Variants in GAA observed in about 807,000 individuals in gnomAD.
GAA encodes the protein lysosomal alpha-glucosidase.
GAA carries 88 observed loss-of-function variants against 103.9 expected under a neutral mutation model. The ratio of observed to expected loss-of-function variants is 0.85; its 90% CI spans 0.71 to 1.01. The LOEUF (loss-of-function observed/expected upper bound fraction) is 1.01. Ranked by LOEUF, GAA falls within the 50% of genes least tolerant of loss-of-function variation. The pLI is 0.00. For missense variants in GAA, 1,350 were observed against 1,305.3 expected (o/e 1.03, Z -0.53); for synonymous variants, 572 against 563.1 (o/e 1.02, Z -0.22).
In GAA at chr17:80,107,630, T is replaced by C; in HGVS notation, c.766T>C (p.Tyr256His). ...GCTGTCCACCTCGCTGCCCTCGCAG[T>C]ATATCACAGGCCTCGCCGAGCACCT... ...LQLSTSLPSQ[Y>H]ITGLAEHLSP... Residue 256 changes from tyrosine (Y) to histidine (H), a missense_variant, in exon 4 of 20, where the codon TAT (tyrosine) becomes CAT (histidine). Tyr to His is a moderately conservative substitution (Grantham distance 83). Coordinates refer to ENST00000302262, the MANE Select transcript of GAA (RefSeq NM_000152.5). The C allele has an allele frequency of 6.2e-7, 1 of 1,613,110 alleles. No individual in the cohort carries two copies. Among genetic ancestry groups the C allele is most frequent in the Non-Finnish European group, 8.5e-7 (1 of 1,179,854 alleles).
At chr17:80,118,045 G>T in intron 17 of GAA, 148 bp from the exon 18 acceptor site, 1 of 941,588 alleles carries the variant, frequency 1.1e-6, no homozygotes. Flanking sequence ...TCATCACCAC[G>T]GGGTTCCAGC....
rs780800306 is a variant in GAA at position 80,111,991 on chromosome 17, G to T, written c.1645G>T (p.Gly549Trp). Residue 549 changes from glycine to tryptophan, a missense_variant, in exon 12 of 20, where the codon GGG becomes TGG. Gly to Trp is a radical substitution (Grantham distance 184). Transcript: ENST00000302262. The stretch of plus-strand genomic sequence containing the variant: ...GCCCCCGCCTCTTCCAGGGGTGGTT[G>T]GGGGGACCCTCCAGGCGGCCACCAT... ...ENPPYVPGVV[G>W]GTLQAATICA... The T allele has an allele frequency of 6.2e-7, 1 of 1,612,780 alleles. No homozygotes were observed. The highest frequency in any genetic ancestry group is 1.1e-5 in the South Asian group (1 of 91,072).
Position 80,119,571 on chromosome 17 carries a change from G to A in GAA, c.*240G>A. 1 of 536,186 alleles carries A rather than the reference G, an allele frequency of 1.9e-6. No individual in the cohort carries two copies. Among genetic ancestry groups the A allele is most frequent in the Admixed American group, 3.0e-5 (1 of 33,432 alleles). The allele number at this position is 536,186 out of a possible 1,614,324, so 33.2% of individuals were successfully genotyped here. A position where few individuals can be genotyped will look rare whatever the true frequency, so the allele number is the denominator to read the frequency against. On this transcript the variant is annotated 3_prime_UTR_variant, in exon 20 of 20. Transcript: ENST00000302262. ...CTGTGGGCCGGGGCCCTGGAGGGCTGCTCTGTGTTAATAAGATTGTAAGGT... is the reference window on the plus strand; with the variant it reads ...CTGTGGGCCGGGGCCCTGGAGGGCTACTCTGTGTTAATAAGATTGTAAGGT...
At chr17:80,116,495 C>T (rs1312838674) in intron 15 of GAA, among the ~76,000 whole-genome samples, 2 of 152,244 alleles carry the variant, frequency 1.3e-5, no homozygotes, top group Non-Finnish European at 2.9e-5. Flanking sequence ...CTCCGTTAGA[C>T]GGAGAATCCT....
chr17:80,112,337 G>A (rs953931391), intron 12 of GAA: 2 of 640,476 alleles, frequency 3.1e-6, no homozygotes, highest in Non-Finnish European at 2.7e-6. Flanking sequence ...ACAGGAGTCT[G>A]CATCAGCGGG....
At chr17:80,117,894 G>T in intron 17 of GAA, 145 bp downstream of exon 17, 1 of 891,290 alleles carries the variant, frequency 1.1e-6, no homozygotes, top group Non-Finnish European at 1.7e-6. Context: ...AGCCAGCCAG[G>T]CCAGTGAGGT....
chr17:80,116,419 A>G (rs1393919268), intron 15 of GAA, among the ~76,000 whole-genome samples: 1 of 152,208 alleles, frequency 6.6e-6, no homozygotes, highest in Non-Finnish European at 1.5e-5. Flanking sequence ...TGAGCACTGG[A>G]TGCCCCCTGC....
At chr17:80,117,560 C>T (rs201904830) in intron 16 of GAA, 40 bp from the exon 17 acceptor site, 13 of 1,611,340 alleles carry the variant, frequency 8.1e-6, no homozygotes, top group Middle Eastern at 1.6e-4. Context: ...ATGGGGGCCT[C>T]GGCACGGCCC....
rs768488233 is a variant in GAA, at chr17:80,107,685, C to T, written c.821C>T (p.Thr274Ile). The change falls in exon 4 of 20, where the codon ACC becomes ATC. Residue 274 changes from threonine to isoleucine, a missense_variant. Transcript: ENST00000302262. ...LSPLMLSTSW[T>I]RITLWNRDLA... ...CCCCTGATGCTCAGCACCAGCTGGA[C>T]CAGGATCACCCTGTGGAACCGGGAC... The T allele has an allele frequency of 9.9e-6, 16 of 1,612,892 alleles. No individual in the cohort carries two copies. Among genetic ancestry groups the T allele is most frequent in the Non-Finnish European group, 1.3e-5 (15 of 1,179,850 alleles).
At chr17:80,113,181 C>G (rs2039285355) in intron 14 of GAA, 37 bp from the exon 15 acceptor site, 5 of 1,567,464 alleles carry the variant, frequency 3.2e-6, no homozygotes, top group Non-Finnish European at 3.4e-6. Context: ...GCGGCCCCAG[C>G]ACCCAAGTGC....
At position 80,112,675 on chromosome 17, in the gene GAA, T is replaced by G. The variant is rs1174821644; in HGVS notation, c.1852T>G (p.Trp618Gly). ...RYAGHWTGDVWSSWEQLASSV... is the reference protein window; with the variant it reads ...RYAGHWTGDVGSSWEQLASSV... ...CGCCGGCCACTGGACGGGGGACGTG[T>G]GGAGCTCCTGGGAGCAGCTCGCCTC... The change falls in exon 13 of 20, where the codon TGG becomes GGG. Residue 618 changes from tryptophan to glycine, a missense_variant. Trp to Gly is a radical substitution (Grantham distance 184, BLOSUM62 -2). Coordinates refer to ENST00000302262, the MANE Select transcript of GAA (RefSeq NM_000152.5). The G allele has an allele frequency of 6.2e-7, 1 of 1,611,562 alleles. No homozygotes were observed. The highest frequency in any genetic ancestry group is 8.5e-7 in the Non-Finnish European group (1 of 1,179,464).
intron 3 of GAA, among the ~76,000 whole-genome samples, chr17:80,106,629 C>G (rs1237787087): frequency 6.6e-6 from 1 of 152,170 alleles, no homozygotes; most frequent in Non-Finnish European, 1.5e-5. Context: ...CTCAAAGCAT[C>G]TTATCAAGCT....
Position 80,107,893 on chromosome 17 carries a change from A to G in GAA, c.952A>G (p.Met318Val). The G allele has an allele frequency of 6.2e-7, 1 of 1,608,996 alleles. No homozygotes were observed. Among genetic ancestry groups the G allele is most frequent in the East Asian group, 2.2e-5 (1 of 44,658 alleles). ...HGVFLLNSNA[M>V]DVVLQPSPAL... ...GGTGTTCCTGCTAAACAGCAATGCCATGGGTAAGCTGCCCGCCGCCCAGCG... is the reference window on the plus strand; with the variant it reads ...GGTGTTCCTGCTAAACAGCAATGCCGTGGGTAAGCTGCCCGCCGCCCAGCG... Residue 318 changes from methionine to valine, a missense_variant, in exon 5 of 20, where the codon ATG (methionine) becomes GTG (valine). Physicochemically the swap from Met to Val is conservative, Grantham distance 21. Coordinates refer to ENST00000302262, the MANE Select transcript of GAA (RefSeq NM_000152.5).
rs1247872563 is a variant in GAA at position 80,105,811 on chromosome 17, G to T, written c.609G>T (p.Arg203=). ...VPLETPHVHS[R]APSPLYSVEF... ...TGGAGACCCCGCATGTCCACAGCCGGGCACCGTCCCCACTCTACAGCGTGG... is the reference window on the plus strand; with the variant it reads ...TGGAGACCCCGCATGTCCACAGCCGTGCACCGTCCCCACTCTACAGCGTGG... Residue 203 remains arginine, a synonymous_variant, in exon 3 of 20, where the codon CGG becomes CGT. Transcript: ENST00000302262. 7 of 1,610,944 alleles carry T rather than the reference G, an allele frequency of 4.3e-6. No individual in the cohort carries two copies. The highest frequency in any genetic ancestry group is 5.9e-6 in the Non-Finnish European group (7 of 1,179,990).
chr17:80,118,129 G>A, intron 17 of GAA, 64 bp from the exon 18 acceptor site: 1 of 1,566,032 alleles, frequency 6.4e-7, no homozygotes, highest in Non-Finnish European at 8.7e-7. Context: ...GCATTCCCGG[G>A]CCCTGGAGGC....
chr17:80,116,596 T>C (rs1299089178), intron 15 of GAA, among the ~76,000 whole-genome samples: 2 of 152,280 alleles, frequency 1.3e-5, no homozygotes, highest in African/African-American at 4.8e-5. Flanking sequence ...ATCTTTTCTC[T>C]TTGTTGATAC....
intron 18 of GAA, 88 bp from the exon 19 acceptor site, chr17:80,118,565 A>T (rs2039411432): frequency 6.6e-7 from 1 of 1,520,722 alleles, no homozygotes; most frequent in African/African-American, 1.4e-5. Flanking sequence ...TGCCATCATG[A>T]GTCCCTGTTC....
chr17:80,110,414 C>T (rs1045673932), intron 9 of GAA, among the ~76,000 whole-genome samples: 2 of 152,196 alleles, frequency 1.3e-5, no homozygotes, highest in African/African-American at 4.8e-5. Flanking sequence ...GTGAGGCTGC[C>T]TGGCAGGGCT....
intron 3 of GAA, among the ~76,000 whole-genome samples, chr17:80,106,426 A>G (rs1052213029): frequency 1.3e-5 from 2 of 152,062 alleles, no homozygotes; most frequent in South Asian, 4.1e-4. Flanking sequence ...CCAGCTGTGC[A>G]GACGCAGGGG....
Sources: gnomAD v4.1 joint callset for allele counts (sites outside exome capture counted in the v4.1 genomes callset) on GRCh38, gnomAD v4.1.1 for gene constraint, MANE v1.5 for transcripts, NCBI Gene and HGNC (gene_info 2026-07-23, HGNC 2026-07-21) for gene names.